The following STAM2 variants were observed in gnomAD, a reference collection of about 807,000 sequenced individuals.
The protein encoded by STAM2 is signal transducing adaptor molecule 2.
Under a neutral mutation model 65.6 loss-of-function variants are expected in STAM2, and 51 were observed. That is an observed-to-expected ratio of 0.78 (90% CI 0.62 to 0.98). The LOEUF is 0.98. STAM2 is among the 50% of genes least tolerant of loss of function. The pLI is 0.00. For synonymous variants in STAM2, 198 were observed against 208.4 expected (o/e 0.95, Z 0.43); for missense variants, 584 against 617.8 (o/e 0.95, Z 0.58).
chr2:152,149,717 C>T (rs571247822), intron 2 of STAM2, among the ~76,000 whole-genome samples: 5 of 152,168 alleles, frequency 3.3e-5, no homozygotes, highest in South Asian at 4.1e-4. Context: ...AGGCTGGTTT[C>T]GAACTCCTGA....
chr2:152,138,456 T>C lies in STAM2; in HGVS notation c.705-2853A>G, dbSNP rs546841932. On this transcript the variant is annotated intron_variant, in intron 7 of 13. Transcript: ENST00000263904. ...TTGAGCTTGTATCCAACAACCTTTATGAACTCCTACCACTTGTAATAGTTT... is the reference window on the plus strand; with the variant it reads ...TTGAGCTTGTATCCAACAACCTTTACGAACTCCTACCACTTGTAATAGTTT... 7.9e-5 allele frequency among the ~76,000 whole-genome samples: 12 copies of C among 152,310 alleles called. No homozygotes were observed. In the East Asian group the frequency reaches 2.3e-3, roughly 29 times the overall value.
chr2:152,119,809 T>C lies in STAM2; in HGVS notation c.*765A>G, dbSNP rs1688815740. On this transcript the variant is annotated 3_prime_UTR_variant, in exon 14 of 14. Coordinates refer to ENST00000263904, the MANE Select transcript of STAM2 (RefSeq NM_005843.6). ...CATTCCTTCACAGTTGGCATGACTG[T>C]TTGGGGGACTGACTAAATGCTTTAT... is the stretch of plus-strand genomic sequence containing the variant. 6.6e-6 allele frequency: 1 copy of C among 152,090 alleles called. No individual in the cohort carries two copies. Among genetic ancestry groups the C allele is most frequent in the Non-Finnish European group, 1.5e-5 (1 of 68,010 alleles). 9.4% of individuals were successfully genotyped at this position (152,090 alleles called of 1,614,324 possible).
chr2:152,148,416 T>C, intron 2 of STAM2, 116 bp from the exon 3 acceptor site: 1 of 833,150 alleles, frequency 1.2e-6, no homozygotes, highest in African/African-American at 1.8e-5. Flanking sequence ...ATGCCTGTAA[T>C]TCCAACACTT....
At chr2:152,175,251 G>A (rs1375627669) in intron 1 of STAM2, among the ~76,000 whole-genome samples, 2 of 152,320 alleles carry the variant, frequency 1.3e-5, no homozygotes, top group South Asian at 2.1e-4. Flanking sequence ...GGCAAAGACG[G>A]AGGTAACCAG....
intron 4 of STAM2, among the ~76,000 whole-genome samples, chr2:152,147,783 A>C (rs1437728780): frequency 6.6e-6 from 1 of 152,226 alleles, no homozygotes; most frequent in Admixed American, 6.5e-5. Context: ...TAAAATGCTT[A>C]AAGTAATGAC....
intron 6 of STAM2, 30 bp from the exon 7 acceptor site, chr2:152,144,043 C>A: frequency 6.4e-7 from 1 of 1,563,102 alleles, no homozygotes; most frequent in Non-Finnish European, 8.7e-7. Flanking sequence ...TGCAAAGAAA[C>A]TGGAATTAAT....
In STAM2 at chr2:152,173,401, T is replaced by TAC. The variant is rs1212012951; in HGVS notation, c.40+2201_40+2202insGT. ...ATATATATATATGTATACATATATA[T>TAC]ATATATTTTTTTTCGAGACGGAGTC... On this transcript the variant is annotated intron_variant, in intron 1 of 13. Coordinates refer to ENST00000263904, the MANE Select transcript of STAM2 (RefSeq NM_005843.6). Among the ~76,000 whole-genome samples the TAC allele has an allele frequency of 9.6e-3, 1,414 of 146,572 alleles. 33 individuals carry two copies. The highest frequency in any genetic ancestry group is 0.03 in the African/African-American group (1,190 of 39,136).
intron 8 of STAM2, among the ~76,000 whole-genome samples, chr2:152,134,449 C>T (rs2105536765): frequency 6.6e-6 from 1 of 152,252 alleles, no homozygotes; most frequent in East Asian, 1.9e-4. Flanking sequence ...TGGCAAAGTA[C>T]TCTATATTCA....
At chr2:152,123,384 C>G (rs1688897795) in intron 13 of STAM2, among the ~76,000 whole-genome samples, 1 of 151,944 alleles carries the variant, frequency 6.6e-6, no homozygotes, top group East Asian at 1.9e-4. Flanking sequence ...AAAAACAAAA[C>G]AAAAAAACCT....
At position 152,137,733 on chromosome 2, in the gene STAM2, AT is replaced by A. The variant is rs375658225; in HGVS notation, c.705-2131del. ...ACTTAACTGTAGTTTTAGTTTTTTT[AT>A]TTTTTTTTTCCCTCTCCCATGTTTA... is the stretch of plus-strand genomic sequence containing the variant. On this transcript the variant is annotated intron_variant, in intron 7 of 13. Transcript: ENST00000263904. Among the ~76,000 whole-genome samples, 1,280 of 146,106 alleles carry A rather than the reference AT, an allele frequency of 8.8e-3. 25 individuals carry two copies. Among genetic ancestry groups the A allele is most frequent in the African/African-American group, 0.03 (1,208 of 39,920 alleles).
At chr2:152,139,539 C>A (rs1282122494) in intron 7 of STAM2, among the ~76,000 whole-genome samples, 1 of 152,166 alleles carries the variant, frequency 6.6e-6, no homozygotes, top group South Asian at 2.1e-4. Context: ...TGCACTCCAG[C>A]CTCGGTAACC....
chr2:152,170,786 A>G (rs368933881), intron 1 of STAM2, among the ~76,000 whole-genome samples: 1 of 152,242 alleles, frequency 6.6e-6, no homozygotes, highest in African/African-American at 2.4e-5. Context: ...ACCTAAGGTC[A>G]GGAGTTCGAA....
intron 11 of STAM2, among the ~76,000 whole-genome samples, chr2:152,130,485 T>C (rs1689039518): frequency 1.3e-5 from 2 of 151,628 alleles, no homozygotes; most frequent in Admixed American, 1.3e-4. Flanking sequence ...TCTCCTGACC[T>C]CATGATCCAC....
intron 1 of STAM2, 98 bp downstream of exon 1, chr2:152,175,505 T>C: frequency 6.6e-7 from 1 of 1,511,128 alleles, no homozygotes; most frequent in African/African-American, 1.4e-5. Flanking sequence ...TTCGCTTTGC[T>C]TCCTAGTCCC....
chr2:152,171,016 T>G (rs1432574453), intron 1 of STAM2, among the ~76,000 whole-genome samples: 1 of 152,170 alleles, frequency 6.6e-6, no homozygotes, highest in Admixed American at 6.5e-5. Flanking sequence ...AAATGCTGGA[T>G]GACAAAAGTT....
chr2:152,122,076 ATGTG>A (rs997181475), intron 13 of STAM2, among the ~76,000 whole-genome samples: 3,054 of 103,530 alleles, frequency 0.029, 96 homozygotes, highest in African/African-American at 0.084. Context: ...ATATATATAT[ATGTG>A]TGTGTGTGTG....
chr2:152,152,536 G>A (rs1242524305), intron 1 of STAM2, among the ~76,000 whole-genome samples: 1 of 150,616 alleles, frequency 6.6e-6, no homozygotes, highest in South Asian at 2.1e-4. Flanking sequence ...GTGACAGAGT[G>A]AGACTCTGTC....
chr2:152,154,582 C>T (rs1308400476), intron 1 of STAM2, among the ~76,000 whole-genome samples: 2 of 152,156 alleles, frequency 1.3e-5, no homozygotes, highest in Non-Finnish European at 1.5e-5. Context: ...CGCACCACTG[C>T]ACTCCAACGT....
chr2:152,151,066 T>G (rs982257878), intron 1 of STAM2, among the ~76,000 whole-genome samples: 1 of 151,546 alleles, frequency 6.6e-6, no homozygotes, highest in Non-Finnish European at 1.5e-5. Flanking sequence ...AAATGAGGAA[T>G]ACAAAATTAA....
Sources: gnomAD v4.1 joint callset for allele counts (sites outside exome capture counted in the v4.1 genomes callset) on GRCh38, gnomAD v4.1.1 for gene constraint, MANE v1.5 for transcripts, NCBI Gene and HGNC (gene_info 2026-07-23, HGNC 2026-07-21) for gene names.